The following AKR1C3 variants were observed in gnomAD, a reference collection of about 807,000 sequenced individuals.
AKR1C3 encodes aldo-keto reductase family 1 member C3.
A neutral mutation model predicts 43.6 loss-of-function variants in AKR1C3; 48 were observed. The observed-to-expected ratio is 1.10, with a 90% CI of 0.87 to 1.40. The LOEUF (loss-of-function observed/expected upper bound fraction) is 1.40. Ranked by LOEUF, AKR1C3 falls within the 40% of genes most tolerant of loss-of-function variation. The pLI is 0.00. For synonymous variants in AKR1C3, 162 were observed against 139.6 expected (o/e 1.16, Z -1.13); for missense variants, 482 against 391.2 (o/e 1.23, Z -1.96).
chr10:5,063,260 G>C (rs1554780416), intron 1 of AKR1C3, among the ~76,000 whole-genome samples: 1 of 152,130 alleles, frequency 6.6e-6, no homozygotes, highest in African/African-American at 2.4e-5. Flanking sequence ...ATAAAAACCT[G>C]GGGAAAGGGA....
intron 1 of AKR1C3, among the ~76,000 whole-genome samples, chr10:5,058,973 A>G (rs1564353759): frequency 6.6e-6 from 1 of 152,222 alleles, no homozygotes; most frequent in African/African-American, 2.4e-5. Context: ...AATGAAGTGA[A>G]GGACCTTACC....
intron 1 of AKR1C3, among the ~76,000 whole-genome samples, chr10:5,050,469 G>C (rs1838131335): frequency 6.6e-6 from 1 of 152,204 alleles, no homozygotes; most frequent in African/African-American, 2.4e-5. Flanking sequence ...CTCATGTAAT[G>C]AGGGAAAACA....
chr10:5,081,212 G>A (rs1032012415), intron 1 of AKR1C3, among the ~76,000 whole-genome samples: 1 of 152,252 alleles, frequency 6.6e-6, no homozygotes, highest in South Asian at 2.1e-4. Context: ...TAAGCTATAA[G>A]CAGCTATAAG....
intron 1 of AKR1C3, among the ~76,000 whole-genome samples, chr10:5,068,323 A>G (rs117005452): frequency 0.012 from 1,872 of 152,264 alleles, 21 homozygotes; most frequent in Non-Finnish European, 0.019. Context: ...AACATGTTAA[A>G]TAATCTTGTT....
chr10:5,091,787 C>T (rs569385402), upstream of AKR1C3, among the ~76,000 whole-genome samples: 11 of 152,202 alleles, frequency 7.2e-5, no homozygotes, highest in African/African-American at 1.9e-4. Context: ...TTTATACTTA[C>T]TTGTACACAT....
chr10:5,070,890 A>G (rs1838602181), intron 1 of AKR1C3, among the ~76,000 whole-genome samples: 1 of 152,222 alleles, frequency 6.6e-6, no homozygotes, highest in South Asian at 2.1e-4. Flanking sequence ...CTTTTGTTAT[A>G]GCAGCTGTCA....
intron 1 of AKR1C3, among the ~76,000 whole-genome samples, chr10:5,069,744 G>A (rs1363961080): frequency 6.6e-6 from 1 of 152,086 alleles, no homozygotes; most frequent in African/African-American, 2.4e-5. Flanking sequence ...CATGGTGGCA[G>A]GCACCTGTAG....
At chr10:5,082,147 A>G (rs1277664233) in intron 1 of AKR1C3, among the ~76,000 whole-genome samples, 1 of 152,032 alleles carries the variant, frequency 6.6e-6, no homozygotes, top group Non-Finnish European at 1.5e-5. Flanking sequence ...TCCTCTTGAA[A>G]CTTTACTGAG....
At chr10:5,081,334 G>T (rs113470989) in intron 1 of AKR1C3, among the ~76,000 whole-genome samples, 1 of 152,074 alleles carries the variant, frequency 6.6e-6, no homozygotes, top group African/African-American at 2.4e-5. Context: ...TTATAAGGAT[G>T]GTGTCACCTT....
intron 1 of AKR1C3, among the ~76,000 whole-genome samples, chr10:5,079,183 G>C (rs2131814543): frequency 1.3e-5 from 2 of 152,304 alleles, no homozygotes; most frequent in South Asian, 4.1e-4. Context: ...TGATGCTCTT[G>C]TCCAGTGTGT....
chr10:5,070,643 C>A (rs1373070507), intron 1 of AKR1C3, among the ~76,000 whole-genome samples: 1 of 152,168 alleles, frequency 6.6e-6, no homozygotes, highest in East Asian at 1.9e-4. Context: ...ATTTTTCTGT[C>A]TCAATTGGAT....
intron 1 of AKR1C3, among the ~76,000 whole-genome samples, chr10:5,066,921 C>T (rs1838516827): frequency 6.6e-6 from 1 of 152,228 alleles, no homozygotes; most frequent in South Asian, 2.1e-4. Flanking sequence ...TTCATTGCTT[C>T]TCTACTCTAA....
intron 1 of AKR1C3, among the ~76,000 whole-genome samples, chr10:5,051,679 G>A (rs1838157190): frequency 6.6e-6 from 1 of 152,152 alleles, no homozygotes; most frequent in Non-Finnish European, 1.5e-5. Context: ...TTAACATGGA[G>A]GACTTTGCGT....
At chr10:5,076,082 A>G (rs555458462) in intron 1 of AKR1C3, among the ~76,000 whole-genome samples, 2 of 152,282 alleles carry the variant, frequency 1.3e-5, no homozygotes, top group East Asian at 3.9e-4. Context: ...CTTGCATTTA[A>G]GCCTGTTTTT....
At chr10:5,099,527 T>TTG in intron 5 of AKR1C3, 78 bp downstream of exon 5, 1 of 1,599,464 alleles carries the variant, frequency 6.3e-7, no homozygotes. Flanking sequence ...TCTGTTTGTT[T>TTG]TGTCCCAGTT....
rs1839202779 is a variant in AKR1C3 at position 5,096,195 on chromosome 10, C to G, written c.85-215C>G. On this transcript the variant is annotated intron_variant, in intron 1 of 8. Transcript: ENST00000380554. ...AGGGTGTTATTTGGTACCTCCATAACAGTGATCAACCAGAGATTGCCTGAG... is the reference window on the plus strand; with the variant it reads ...AGGGTGTTATTTGGTACCTCCATAAGAGTGATCAACCAGAGATTGCCTGAG... The G allele has an allele frequency of 7.8e-6, 4 of 515,334 alleles. No homozygotes were observed. In the Admixed American group the frequency reaches 1.0e-4, roughly 13 times the overall value. The allele number at this position is 515,334 out of a possible 1,614,324, so 31.9% of individuals were successfully genotyped here.
intron 1 of AKR1C3, among the ~76,000 whole-genome samples, chr10:5,087,993 C>T (rs1405992038): frequency 3.3e-5 from 5 of 152,066 alleles, no homozygotes; most frequent in African/African-American, 1.2e-4. Context: ...ACTGCTTTCC[C>T]ATATCCGAGA....
intron 6 of AKR1C3, 113 bp from the exon 7 acceptor site, chr10:5,102,372 G>C: frequency 6.3e-7 from 1 of 1,590,780 alleles, no homozygotes; most frequent in Non-Finnish European, 8.6e-7. Context: ...GTGATGCTCG[G>C]GGGCCTCGCT....
intron 1 of AKR1C3, among the ~76,000 whole-genome samples, chr10:5,058,967 A>C (rs913883792): frequency 1.5e-4 from 23 of 152,178 alleles, no homozygotes; most frequent in African/African-American, 5.3e-4. Context: ...CCCAAAAATG[A>C]AGTGAAGGAC....
Sources: gnomAD v4.1 joint callset for allele counts (sites outside exome capture counted in the v4.1 genomes callset) on GRCh38, gnomAD v4.1.1 for gene constraint, MANE v1.5 for transcripts, NCBI Gene and HGNC (gene_info 2026-07-23, HGNC 2026-07-21) for gene names.